Variants in PATJ observed in about 807,000 individuals in gnomAD.
The protein encoded by PATJ is PATJ crumbs cell polarity complex component.
Under a neutral mutation model 224.9 loss-of-function variants are expected in PATJ, and 190 were observed. The observed-to-expected ratio is 0.84, with a 90% CI of 0.75 to 0.95. PATJ has a LOEUF of 0.95. Among genes scored for constraint, PATJ ranks in the 40% least tolerant of loss-of-function variants. PATJ has a pLI of 0.00. For synonymous variants in PATJ, 769 were observed against 820.3 expected (o/e 0.94, Z 1.07); for missense variants, 2,121 against 2,270.3 (o/e 0.93, Z 1.34).
intron 27 of PATJ, among the ~76,000 whole-genome samples, chr1:61,962,879 CA>C (rs1292164273): frequency 6.6e-6 from 1 of 152,198 alleles, no homozygotes; most frequent in East Asian, 1.9e-4. Flanking sequence ...ATCAAGGCGG[CA>C]TGCCAGCCCA....
At chr1:61,910,450 C>T (rs930898416) in intron 25 of PATJ, among the ~76,000 whole-genome samples, 1 of 151,054 alleles carries the variant, frequency 6.6e-6, no homozygotes, top group African/African-American at 2.4e-5. Flanking sequence ...GTGGTTCTAG[C>T]CAAGGGAGCA....
intron 28 of PATJ, among the ~76,000 whole-genome samples, chr1:62,000,331 A>C: frequency 1.4e-5 from 2 of 145,794 alleles, no homozygotes; most frequent in Admixed American, 6.8e-5. Flanking sequence ...ATATCTCCTA[A>C]TGCTATGCCT....
rs1488391292 is a variant in PATJ, at chr1:62,162,885, T to G, written c.*1831T>G. On this transcript the variant is annotated 3_prime_UTR_variant, in exon 44 of 44. Transcript: ENST00000642238. ...TTGCTTGAACCTGGGAGGTGGAGGTTGCAGTGAGCCAAGTTCGTGCCACTC... is the reference window on the plus strand; with the variant it reads ...TTGCTTGAACCTGGGAGGTGGAGGTGGCAGTGAGCCAAGTTCGTGCCACTC... The G allele has an allele frequency of 2.9e-6, 1 of 341,252 alleles. No homozygotes were observed. Among genetic ancestry groups the G allele is most frequent in the African/African-American group, 2.3e-5 (1 of 44,238 alleles). The allele number at this position is 341,252 out of a possible 1,614,324, so 21.1% of individuals were successfully genotyped here.
chr1:61,805,429 C>CTT lies in PATJ; in HGVS notation c.1550-11_1550-10dup. The CTT allele has an allele frequency of 6.7e-7, 1 of 1,483,466 alleles. No homozygotes were observed. The highest frequency in any genetic ancestry group is 9.3e-7 in the Non-Finnish European group (1 of 1,070,502). 91.9% of individuals were successfully genotyped at this position (1,483,466 alleles called of 1,614,324 possible). ...GTTTCAACATTCTCTCGCTCTCTCT[C>CTT]TTTTTTTTTAATATCCAGAAAAAGT... On this transcript the variant is annotated intron_variant, in intron 12 of 43. Coordinates refer to ENST00000642238, the MANE Select transcript of PATJ (RefSeq NM_001350145.3).
intron 33 of PATJ, among the ~76,000 whole-genome samples, chr1:62,091,572 G>A (rs1352335425): frequency 6.6e-6 from 1 of 152,102 alleles, no homozygotes; most frequent in Non-Finnish European, 1.5e-5. Context: ...ACAGTGAAAT[G>A]TGGCTTTGTT....
chr1:62,111,280 A>G (rs779989861), intron 34 of PATJ, among the ~76,000 whole-genome samples: 1 of 152,212 alleles, frequency 6.6e-6, no homozygotes, highest in Non-Finnish European at 1.5e-5. Flanking sequence ...GAATACAGGA[A>G]AATAACTCAG....
Position 61,789,230 on chromosome 1 carries a change from G to A in PATJ, c.1068+1258G>A, listed in dbSNP as rs190558721. 9.9e-5 allele frequency among the ~76,000 whole-genome samples: 15 copies of A among 152,022 alleles called. No homozygotes were observed. The East Asian group carries it at 2.2e-3, about 22-fold the overall frequency. On this transcript the variant is annotated intron_variant, in intron 8 of 43. Transcript: ENST00000642238. ...CTAAGGCTGGAGAATCATGTCAACC[G>A]AGGAGGCAGAGGTTGCAGTGAGCTG... is the stretch of plus-strand genomic sequence containing the variant.
chr1:62,019,903 TTGCACC>T (rs1486159349), intron 29 of PATJ, among the ~76,000 whole-genome samples: 1 of 152,010 alleles, frequency 6.6e-6, no homozygotes. Context: ...GCGCGGTGGC[TTGCACC>T]TGTAATCCCA....
chr1:62,097,323 A>G (rs890307227), intron 33 of PATJ, among the ~76,000 whole-genome samples: 5 of 149,730 alleles, frequency 3.3e-5, no homozygotes, highest in Non-Finnish European at 7.4e-5. Flanking sequence ...TAAAAAAAGG[A>G]AAAAAAAAAG....
At position 61,823,966 on chromosome 1, in the gene PATJ, G is replaced by A. The variant is rs1273680013; in HGVS notation, c.1818+887G>A. Reference sequence around the variant, plus strand: ...GGGTATTGGAGTCCTGTTTTAAGATGTAGTAAGTTGCTTATTTTTAGAGGT... The same window carrying A: ...GGGTATTGGAGTCCTGTTTTAAGATATAGTAAGTTGCTTATTTTTAGAGGT... On this transcript the variant is annotated intron_variant, in intron 15 of 43. Transcript: ENST00000642238. Among the ~76,000 whole-genome samples the A allele has an allele frequency of 2.0e-5, 3 of 152,152 alleles. No individual in the cohort carries two copies. In the East Asian group the frequency reaches 5.8e-4, roughly 29 times the overall value.
intron 22 of PATJ, among the ~76,000 whole-genome samples, chr1:61,891,444 T>A (rs999001318): frequency 6.6e-6 from 1 of 152,146 alleles, no homozygotes; most frequent in Non-Finnish European, 1.5e-5. Flanking sequence ...AATATTTGCA[T>A]TTCAGAGAGA....
chr1:61,926,879 A>G (rs1211724410), intron 26 of PATJ, among the ~76,000 whole-genome samples: 1 of 152,252 alleles, frequency 6.6e-6, no homozygotes, highest in Non-Finnish European at 1.5e-5. Flanking sequence ...CATATAAAGC[A>G]TAATTGAATG....
intron 16 of PATJ, among the ~76,000 whole-genome samples, chr1:61,831,187 CAAAA>C (rs545292546): frequency 3.1e-5 from 2 of 65,278 alleles, no homozygotes; most frequent in African/African-American, 5.3e-5. Flanking sequence ...GACTCTGTCT[CAAAA>C]AAAAAAAAAA....
intron 39 of PATJ, among the ~76,000 whole-genome samples, chr1:62,126,603 C>T (rs1284110178): frequency 6.6e-6 from 1 of 152,124 alleles, no homozygotes; most frequent in African/African-American, 2.4e-5. Flanking sequence ...CACCAGAGTC[C>T]GTCTTGGGGA....
At position 61,862,657 on chromosome 1, in the gene PATJ, C is replaced by G. The variant is rs142395002; in HGVS notation, c.2439+990C>G. 1.4e-3 allele frequency among the ~76,000 whole-genome samples: 210 copies of G among 152,174 alleles called. 1 individual carries two copies. Among genetic ancestry groups the G allele is most frequent in the African/African-American group, 4.9e-3 (202 of 41,514 alleles). On this transcript the variant is annotated intron_variant, in intron 19 of 43. Coordinates refer to ENST00000642238, the MANE Select transcript of PATJ (RefSeq NM_001350145.3). ...TGAAAATAGACCTGCATTTAAAATG[C>G]TATAAAAATGGAACTACACAAAAAG...
chr1:62,128,560 G>T, intron 40 of PATJ: 1 of 389,226 alleles, frequency 2.6e-6, no homozygotes, highest in Non-Finnish European at 4.7e-6. Context: ...GCTTTTACTG[G>T]CAAATGGTTG....
chr1:61,884,429 G>C, intron 22 of PATJ, 21 bp downstream of exon 22: 1 of 866,748 alleles, frequency 1.2e-6, no homozygotes, highest in Non-Finnish European at 1.6e-6. Flanking sequence ...ATTTCTCTTT[G>C]TTTTCACATT....
chr1:61,764,641 G>T (rs562932467), intron 3 of PATJ, among the ~76,000 whole-genome samples: 2 of 151,806 alleles, frequency 1.3e-5, no homozygotes. Context: ...ACAAAATTTG[G>T]GAAAAAATGG....
intron 27 of PATJ, among the ~76,000 whole-genome samples, chr1:61,935,966 T>A (rs1015642515): frequency 6.6e-6 from 1 of 152,076 alleles, no homozygotes; most frequent in African/African-American, 2.4e-5. Context: ...TTACTCAGAG[T>A]CACAGTCTTT....
Sources: allele counts gnomAD v4.1 joint callset (sites outside exome capture counted in the v4.1 genomes callset), GRCh38; gene constraint gnomAD v4.1.1; transcripts MANE v1.5; gene names NCBI Gene and HGNC (gene_info 2026-07-23, HGNC 2026-07-21).